The following PIEZO2 variants were observed in gnomAD, a reference collection of about 807,000 sequenced individuals.
The protein encoded by PIEZO2 is piezo type mechanosensitive ion channel component 2.
A neutral mutation model predicts 337.3 loss-of-function variants in PIEZO2; 172 were observed. That is an observed-to-expected ratio of 0.51 (90% CI 0.45 to 0.58). The LOEUF is 0.58. PIEZO2 is among the 20% of genes least tolerant of loss of function. The pLI, the probability that PIEZO2 is intolerant of heterozygous loss-of-function variation, is 0.00. For missense variants in PIEZO2, 3,028 were observed against 3,391.3 expected, an observed-to-expected ratio of 0.89 and a Z score of 2.66; for synonymous variants, 1,251 against 1,228.5, an observed-to-expected ratio of 1.02 and a Z score of -0.38.
chr18:10,919,271 C>T (rs530785243), intron 3 of PIEZO2, among the ~76,000 whole-genome samples: 2 of 152,182 alleles, frequency 1.3e-5, no homozygotes, highest in African/African-American at 4.8e-5. Flanking sequence ...ATATCTGCAG[C>T]CAATTCATTT....
At chr18:11,065,226 T>C (rs1193675530) in intron 2 of PIEZO2, among the ~76,000 whole-genome samples, 1 of 152,228 alleles carries the variant, frequency 6.6e-6, no homozygotes, top group African/African-American at 2.4e-5. Flanking sequence ...TACTTCTTTT[T>C]CTAAAGAGTT....
At chr18:10,907,397 C>T (rs9958377) in intron 4 of PIEZO2, among the ~76,000 whole-genome samples, 87,166 of 151,264 alleles carry the variant, frequency 0.58, 25,309 homozygotes, top group East Asian at 0.8. Context: ...GAGCTGAGAT[C>T]ACGCCGCTGC....
At chr18:11,141,881 G>T (rs1490044791) in intron 1 of PIEZO2, among the ~76,000 whole-genome samples, 1 of 152,106 alleles carries the variant, frequency 6.6e-6, no homozygotes, top group East Asian at 1.9e-4. Context: ...CCCCCTCCAG[G>T]TGACTGGTGA....
intron 3 of PIEZO2, among the ~76,000 whole-genome samples, chr18:10,937,495 T>G (rs7227073): frequency 0.089 from 13,554 of 152,210 alleles, 746 homozygotes; most frequent in African/African-American, 0.14. Context: ...CTCACAGATT[T>G]GCCTAAATAT....
Position 11,021,811 on chromosome 18 carries a change from G to A in PIEZO2, c.161-42151C>T, listed in dbSNP as rs538415625. Among the ~76,000 whole-genome samples the A allele has an allele frequency of 5.3e-5, 8 of 152,320 alleles. No homozygotes were observed. The highest frequency in any genetic ancestry group is 1.9e-4 in the African/African-American group (8 of 41,568). ...GCTGGGGGACTGCAGATGCAAACCA[G>A]GAAAATGCCCAGCTCTGCTGCAGTT... On this transcript the variant is annotated intron_variant, in intron 2 of 55. Coordinates refer to ENST00000674853, the MANE Select transcript of PIEZO2 (RefSeq NM_001378183.1). This position sits in a 1 kb window ranked among gnomAD's most constrained non-coding sequence, Gnocchi z 4.7.
chr18:10,832,590 T>A (rs573913885), intron 7 of PIEZO2, among the ~76,000 whole-genome samples: 2 of 152,334 alleles, frequency 1.3e-5, no homozygotes, highest in South Asian at 4.1e-4. Flanking sequence ...GTACTTTGTC[T>A]ACTTTAGCAA....
chr18:10,971,528 T>C (rs2034237539), intron 3 of PIEZO2, among the ~76,000 whole-genome samples: 1 of 152,034 alleles, frequency 6.6e-6, no homozygotes, highest in Non-Finnish European at 1.5e-5. Flanking sequence ...TGGGAAAACA[T>C]ATCCCCAATG....
At chr18:10,747,114 CA>C (rs1334159258) in intron 30 of PIEZO2, among the ~76,000 whole-genome samples, 1 of 152,168 alleles carries the variant, frequency 6.6e-6, no homozygotes, top group Non-Finnish European at 1.5e-5. Flanking sequence ...GGCTTTTCTT[CA>C]ATAGGCATGA....
At chr18:10,900,739 G>A (rs947300323) in intron 4 of PIEZO2, among the ~76,000 whole-genome samples, 1 of 152,250 alleles carries the variant, frequency 6.6e-6, no homozygotes, top group Admixed American at 6.5e-5. Flanking sequence ...GCTGGGGATA[G>A]GAAAATCACC....
intron 48 of PIEZO2, among the ~76,000 whole-genome samples, chr18:10,690,980 T>C (rs2034794396): frequency 6.6e-6 from 1 of 152,172 alleles, no homozygotes; most frequent in Admixed American, 6.5e-5. Context: ...ATTATCACAG[T>C]AATTATGCAG....
intron 2 of PIEZO2, among the ~76,000 whole-genome samples, chr18:11,040,957 G>A (rs2037098927): frequency 6.6e-6 from 1 of 152,106 alleles, no homozygotes; most frequent in Non-Finnish European, 1.5e-5. Flanking sequence ...GAGTGGGAAT[G>A]GTCCGAAAGT....
Position 10,803,858 on chromosome 18 carries a change from C to T in PIEZO2, c.1200+17G>A, listed in dbSNP as rs566011908. On this transcript the variant is annotated intron_variant, in intron 9 of 55. Transcript: ENST00000674853. ...CAGAAAAATTAGGGAACGGAAATCC[C>T]TTTCATCATGGCTTACTTTTCTCTC... 2 of 1,535,894 alleles carry T rather than the reference C, an allele frequency of 1.3e-6. No homozygotes were observed. Among genetic ancestry groups the T allele is most frequent in the African/African-American group, 1.4e-5 (1 of 73,096 alleles).
In PIEZO2 at chr18:11,112,885, C is replaced by T. The variant is rs905907445; in HGVS notation, c.64+35640G>A. Among the ~76,000 whole-genome samples, 6 of 152,186 alleles carry T rather than the reference C, an allele frequency of 3.9e-5. No individual in the cohort carries two copies. The highest frequency in any genetic ancestry group is 1.2e-4 in the African/African-American group (5 of 41,440). ...AAATATCCTGATCCTCAGGTTCTCT[C>T]AAACAGTCTCTGGGCCCATCTAAGA... is the stretch of plus-strand genomic sequence containing the variant. On this transcript the variant is annotated intron_variant, in intron 1 of 55. Coordinates refer to ENST00000674853, the MANE Select transcript of PIEZO2 (RefSeq NM_001378183.1). The surrounding 1 kb of genome is among the most constrained non-coding windows in gnomAD (Gnocchi z 4.3).
At chr18:10,804,135 G>C (rs1338007813) in intron 8 of PIEZO2, 141 bp from the exon 9 acceptor site, 5 of 1,069,784 alleles carry the variant, frequency 4.7e-6, no homozygotes, top group Non-Finnish European at 6.4e-6. Flanking sequence ...ATTTTATCAA[G>C]ACACTTTAAA....
In PIEZO2 at chr18:10,720,415, GTATGTATATATATATATATATATA is replaced by G. The variant is rs1327761067; in HGVS notation, c.5030-2180_5030-2157del. On this transcript the variant is annotated intron_variant, in intron 36 of 55. Coordinates refer to ENST00000674853, the MANE Select transcript of PIEZO2 (RefSeq NM_001378183.1). ...TGTGTGTGTGTGTGTATGTGTATGT[GTATGTATATATATATATATATATA>G]TATATATATATATATATATATATAT... Among the ~76,000 whole-genome samples, 73 of 39,918 alleles carry G rather than the reference GTATGTATATATATATATATATATA, an allele frequency of 1.8e-3. 6 individuals carry two copies. Among genetic ancestry groups the G allele is most frequent in the African/African-American group, 2.2e-3 (33 of 15,006 alleles). The allele number at this position is 39,918 out of a possible 152,430, so 26.2% of individuals were successfully genotyped here. A position where few individuals can be genotyped will look rare whatever the true frequency, so the allele number is the denominator to read the frequency against.
chr18:11,119,407 G>A (rs915116976), intron 1 of PIEZO2, among the ~76,000 whole-genome samples: 1 of 152,020 alleles, frequency 6.6e-6, no homozygotes, highest in Non-Finnish European at 1.5e-5. Context: ...CAAAGTGCTG[G>A]GATAATAGGC....
At chr18:11,004,277 A>G (rs1245859453) in intron 2 of PIEZO2, among the ~76,000 whole-genome samples, 1 of 152,190 alleles carries the variant, frequency 6.6e-6, no homozygotes, top group Non-Finnish European at 1.5e-5. Context: ...AGAGGAATTA[A>G]TGTAGATATT....
At chr18:10,699,339 T>C (rs1382016306) in intron 43 of PIEZO2, among the ~76,000 whole-genome samples, 162 bp from the exon 44 acceptor site, 1 of 152,160 alleles carries the variant, frequency 6.6e-6, no homozygotes, top group African/African-American at 2.4e-5. Context: ...TTCCCACATG[T>C]TGTGGGAGAG....
In PIEZO2 at chr18:11,009,333, C is replaced by T. The variant is rs1349270600; in HGVS notation, c.161-29673G>A. Among the ~76,000 whole-genome samples the T allele has an allele frequency of 6.6e-6, 1 of 152,176 alleles. No individual in the cohort carries two copies. Among genetic ancestry groups the T allele is most frequent in the East Asian group, 1.9e-4 (1 of 5,192 alleles). ...AAGAATAGGATGGATGTCCAGACTC[C>T]ACCCCTGGAAGTTCTGACCTCATTT... On this transcript the variant is annotated intron_variant, in intron 2 of 55. Transcript: ENST00000674853. This position sits in a 1 kb window ranked among gnomAD's most constrained non-coding sequence, Gnocchi z 4.6.
Sources: gnomAD v4.1 joint callset for allele counts (sites outside exome capture counted in the v4.1 genomes callset) on GRCh38, gnomAD v4.1.1 for gene constraint, Gnocchi (gnomAD v3.1) non-coding constraint, MANE v1.5 for transcripts, NCBI Gene and HGNC (gene_info 2026-07-23, HGNC 2026-07-21) for gene names.